The following STX18 variants were observed in gnomAD, a reference collection of about 807,000 sequenced individuals.
STX18 encodes syntaxin-18.
Under a neutral mutation model 50.1 loss-of-function variants are expected in STX18, and 40 were observed. The observed-to-expected ratio is 0.80, with a 90% CI of 0.62 to 1.04. The LOEUF (loss-of-function observed/expected upper bound fraction) is 1.04, where lower values mean the gene tolerates loss of function less well. Among genes scored for constraint, STX18 ranks in the 50% least tolerant of loss-of-function variants. The pLI is 0.00. For synonymous variants in STX18, 158 were observed against 151.8 expected (o/e 1.04, Z -0.30); for missense variants, 410 against 415.8 (o/e 0.99, Z 0.12).
intron 1 of STX18, among the ~76,000 whole-genome samples, chr4:4,531,753 T>A (rs1323374711): frequency 2.0e-5 from 3 of 152,246 alleles, no homozygotes; most frequent in Admixed American, 6.5e-5. Flanking sequence ...CATCCAGAAC[T>A]GGTAATAAGT....
intron 1 of STX18, among the ~76,000 whole-genome samples, chr4:4,474,482 TG>T (rs1169188714): frequency 1.3e-5 from 2 of 152,218 alleles, no homozygotes; most frequent in Non-Finnish European, 2.9e-5. Context: ...CCCTGTAAGA[TG>T]TCCAACTCCT....
intron 1 of STX18, among the ~76,000 whole-genome samples, chr4:4,488,047 T>C (rs549421104): frequency 6.6e-6 from 1 of 152,254 alleles, no homozygotes; most frequent in South Asian, 2.1e-4. Flanking sequence ...AAATGTGGAA[T>C]TGTTTCATCT....
At chr4:4,530,015 A>AC (rs911390719) in intron 1 of STX18, among the ~76,000 whole-genome samples, 1 of 151,542 alleles carries the variant, frequency 6.6e-6, no homozygotes, top group Non-Finnish European at 1.5e-5. Flanking sequence ...AATAGCCCCC[A>AC]CCCCTCCACT....
intron 1 of STX18, among the ~76,000 whole-genome samples, chr4:4,510,393 T>C (rs1210054559): frequency 6.6e-6 from 1 of 152,236 alleles, no homozygotes; most frequent in African/African-American, 2.4e-5. Flanking sequence ...TAACTGCAGG[T>C]ACCTGCTACA....
intron 1 of STX18, among the ~76,000 whole-genome samples, chr4:4,482,222 A>C (rs183789409): frequency 8.9e-4 from 135 of 152,260 alleles, no homozygotes; most frequent in African/African-American, 3.1e-3. Flanking sequence ...GTTCTTGCTA[A>C]GCTCACTCAT....
chr4:4,541,968 G>C lies in STX18; in HGVS notation c.-4C>G, dbSNP rs749540078. Reference sequence around the variant, plus strand: ...GCAGCGTGATGTCCACCGCCATAGCGACCCGCACCCTCAGCCCCACACTAG... The same window carrying C: ...GCAGCGTGATGTCCACCGCCATAGCCACCCGCACCCTCAGCCCCACACTAG... On this transcript the variant is annotated 5_prime_UTR_variant, in exon 1 of 11. Coordinates refer to ENST00000306200, the MANE Select transcript of STX18 (RefSeq NM_016930.4). 1.9e-6 allele frequency: 3 copies of C among 1,599,678 alleles called. No individual in the cohort carries two copies. Among genetic ancestry groups the C allele is most frequent in the Non-Finnish European group, 2.6e-6 (3 of 1,174,594 alleles).
chr4:4,527,448 A>G (rs56127665), intron 1 of STX18, among the ~76,000 whole-genome samples: 1 of 152,180 alleles, frequency 6.6e-6, no homozygotes, highest in South Asian at 2.1e-4. Context: ...GTATTTAACT[A>G]GTCTCTTTTA....
chr4:4,505,572 G>A (rs1729662642), intron 1 of STX18, among the ~76,000 whole-genome samples: 1 of 151,934 alleles, frequency 6.6e-6, no homozygotes, highest in Non-Finnish European at 1.5e-5. Context: ...TTGAGGCCAG[G>A]TGTTCGAGAC....
chr4:4,442,469 T>A (rs968113195), intron 5 of STX18, among the ~76,000 whole-genome samples: 8 of 151,868 alleles, frequency 5.3e-5, no homozygotes, highest in African/African-American at 1.9e-4. Flanking sequence ...ATACAAAAAT[T>A]AGCCGGGCGT....
chr4:4,527,532 C>T (rs1344114306), intron 1 of STX18, among the ~76,000 whole-genome samples: 4 of 151,964 alleles, frequency 2.6e-5, no homozygotes, highest in African/African-American at 4.8e-5. Flanking sequence ...TAAAAACACA[C>T]ATTTCCACTG....
At position 4,513,993 on chromosome 4, in the gene STX18, G is replaced by C. The variant is rs188629995; in HGVS notation, c.168+27804C>G. On this transcript the variant is annotated intron_variant, in intron 1 of 10. Coordinates refer to ENST00000306200, the MANE Select transcript of STX18 (RefSeq NM_016930.4). ...AATTACGTTAAGAGTCAATACTGGA[G>C]AAAGAACTCGAGAGGGCAGCTTCCA... Among the ~76,000 whole-genome samples, 106 of 152,248 alleles carry C rather than the reference G, an allele frequency of 7.0e-4. 2 individuals are homozygous for C. The highest frequency in any genetic ancestry group is 2.5e-3 in the African/African-American group (103 of 41,546).
chr4:4,501,912 T>C (rs1222065110), intron 1 of STX18, among the ~76,000 whole-genome samples: 1 of 152,210 alleles, frequency 6.6e-6, no homozygotes, highest in Non-Finnish European at 1.5e-5. Context: ...GAAAACCAGA[T>C]GCTATATTAA....
At chr4:4,535,709 C>T (rs1197415800) in intron 1 of STX18, among the ~76,000 whole-genome samples, 1 of 152,210 alleles carries the variant, frequency 6.6e-6, no homozygotes, top group African/African-American at 2.4e-5. Flanking sequence ...CACTCATGCT[C>T]TGTTCACAGC....
intron 1 of STX18, chr4:4,507,471 G>C (rs1729768899): frequency 2.6e-6 from 2 of 761,712 alleles, no homozygotes; most frequent in Admixed American, 1.7e-5. Context: ...TCAGTGGAAA[G>C]CATATTATCT....
intron 5 of STX18, among the ~76,000 whole-genome samples, chr4:4,456,193 T>C (rs1007236354): frequency 6.6e-6 from 1 of 151,612 alleles, no homozygotes; most frequent in African/African-American, 2.4e-5. Context: ...AGTGGGAGGA[T>C]TGTTTGAGCC....
At chr4:4,524,862 A>T (rs1388310530) in intron 1 of STX18, among the ~76,000 whole-genome samples, 3 of 152,240 alleles carry the variant, frequency 2.0e-5, no homozygotes, top group Non-Finnish European at 2.9e-5. Flanking sequence ...ATGGGAAGAA[A>T]ATCAAGCCAC....
At chr4:4,457,571 CACA>C in intron 3 of STX18, 71 bp from the exon 4 acceptor site, 5 of 1,145,786 alleles carry the variant, frequency 4.4e-6, no homozygotes, top group Non-Finnish European at 5.2e-6. Context: ...TCAGCTTCCT[CACA>C]ACACTTTCTT....
chr4:4,420,310 T>G lies in STX18; in HGVS notation c.913-181A>C, dbSNP rs1724865230. On this transcript the variant is annotated intron_variant, in intron 10 of 10. Transcript: ENST00000306200. This position sits in a 1 kb window ranked among gnomAD's most constrained non-coding sequence, Gnocchi z 4.3. Reference sequence around the variant, plus strand: ...TCCACCAGAAGACAAATGGGTTATATTTCCCTCTGTTTGGCCATCATTTGG... The same window carrying G: ...TCCACCAGAAGACAAATGGGTTATAGTTCCCTCTGTTTGGCCATCATTTGG... The G allele has an allele frequency of 8.6e-6, 5 of 582,188 alleles. No homozygotes were observed. The highest frequency in any genetic ancestry group is 1.5e-5 in the Non-Finnish European group (5 of 324,732). The allele number at this position is 582,188 out of a possible 1,614,324, so 36.1% of individuals were successfully genotyped here. A position where few individuals can be genotyped will look rare whatever the true frequency, so the allele number is the denominator to read the frequency against.
At chr4:4,500,815 C>A (rs758875798) in intron 1 of STX18, among the ~76,000 whole-genome samples, 1 of 152,172 alleles carries the variant, frequency 6.6e-6, no homozygotes, top group Non-Finnish European at 1.5e-5. Flanking sequence ...GTGGGTGGAT[C>A]ACCTGAGGTC....
Sources: gnomAD v4.1 joint callset for allele counts (sites outside exome capture counted in the v4.1 genomes callset) on GRCh38, gnomAD v4.1.1 for gene constraint, Gnocchi (gnomAD v3.1) non-coding constraint, MANE v1.5 for transcripts, NCBI Gene and HGNC (gene_info 2026-07-23, HGNC 2026-07-21) for gene names.